Variants in SMIM35 observed in about 807,000 individuals in gnomAD.
The protein encoded by SMIM35 is small integral membrane protein 35, also known as TMPRSS4 antisense RNA 1 (non-protein coding).
chr11:118,044,457 G>A (rs542703930), intron 1 of SMIM35, among the ~76,000 whole-genome samples: 106 of 151,994 alleles, frequency 7.0e-4, no homozygotes, highest in Middle Eastern at 3.4e-3. Flanking sequence ...TCATCCCACC[G>A]CCCATCTAAA....
At chr11:118,065,924 C>G (rs1458728524) in intron 1 of SMIM35, among the ~76,000 whole-genome samples, 1 of 152,206 alleles carries the variant, frequency 6.6e-6, no homozygotes. Flanking sequence ...GGATGCAGCA[C>G]CCAGTGACCA....
chr11:118,074,396 A>T (rs1427704813), intron 1 of SMIM35, among the ~76,000 whole-genome samples: 1 of 152,194 alleles, frequency 6.6e-6, no homozygotes, highest in Non-Finnish European at 1.5e-5. Context: ...ATGGATGGGC[A>T]AGAGAAAGAA....
At chr11:118,006,513 G>A (rs2058122845) in intron 4 of SMIM35, 137 bp from the exon 5 acceptor site, 1 of 152,230 alleles carries the variant, frequency 6.6e-6, no homozygotes, top group African/African-American at 2.4e-5. Context: ...TTCTCTCTGT[G>A]TCCTTTGCAC....
chr11:118,080,390 C>T (rs1945029076), intron 1 of SMIM35, among the ~76,000 whole-genome samples: 2 of 152,258 alleles, frequency 1.3e-5, no homozygotes, highest in East Asian at 1.9e-4. Context: ...GCAAAGACTC[C>T]GGCACTCCAG....
rs2058162124 is a variant in SMIM35, at chr11:118,013,784, G to T, written c.255C>A (p.Val85=). ...TTCACAAGTTGCTGTCTCTGCATCA[G>T]ACTAGCCCGTTGGAGAACTTCATGT... The part of the protein sequence containing the change: ...GGYMKFSNGL[V] The change falls in exon 4 of 5, where the codon GTC becomes GTA. Residue 85 remains valine (V), a synonymous_variant. Transcript: ENST00000689828. The T allele has an allele frequency of 2.5e-6, 1 of 398,988 alleles. No individual in the cohort carries two copies. Among genetic ancestry groups the T allele is most frequent in the Non-Finnish European group, 4.4e-6 (1 of 226,124 alleles). 24.7% of individuals were successfully genotyped at this position (398,988 alleles called of 1,614,324 possible).
At chr11:118,080,326 G>A (rs1277110764) in intron 1 of SMIM35, among the ~76,000 whole-genome samples, 2 of 152,190 alleles carry the variant, frequency 1.3e-5, no homozygotes. Flanking sequence ...CTGCATGTGT[G>A]AACAGCAAGA....
intron 4 of SMIM35, among the ~76,000 whole-genome samples, chr11:118,006,641 AG>A (rs2058123466): frequency 6.6e-6 from 1 of 152,244 alleles, no homozygotes; most frequent in South Asian, 2.1e-4. Flanking sequence ...GAAGAAGCAT[AG>A]TATCCAAACA....
At chr11:118,057,913 A>G (rs1944339743) in intron 1 of SMIM35, among the ~76,000 whole-genome samples, 1 of 152,166 alleles carries the variant, frequency 6.6e-6, no homozygotes, top group Non-Finnish European at 1.5e-5. Flanking sequence ...CCAAGAGGCA[A>G]TTTTTGTGGA....
In SMIM35 at chr11:118,027,067, C is replaced by T. The variant is rs1234083289; in HGVS notation, c.8-11258G>A. Reference sequence around the variant, plus strand: ...ACGGAGTCTCGCTCTGTCGCCCAGGCCGGACTGCGGACTGCAGTGGCGCAA... The same window carrying T: ...ACGGAGTCTCGCTCTGTCGCCCAGGTCGGACTGCGGACTGCAGTGGCGCAA... On this transcript the variant is annotated intron_variant, in intron 1 of 4. Transcript: ENST00000689828. 4.7e-5 allele frequency among the ~76,000 whole-genome samples: 6 copies of T among 126,498 alleles called. No individual in the cohort carries two copies. In the East Asian group the frequency reaches 1.6e-3, roughly 34 times the overall value. The allele number at this position is 126,498 out of a possible 152,430, so 83.0% of individuals were successfully genotyped here.
chr11:118,022,274 C>A (rs991165348), intron 1 of SMIM35, among the ~76,000 whole-genome samples: 1 of 152,166 alleles, frequency 6.6e-6, no homozygotes, highest in East Asian at 1.9e-4. Context: ...TGGTCTTGAT[C>A]TCTTGACCTC....
chr11:118,056,542 T>G (rs916747821), intron 1 of SMIM35, among the ~76,000 whole-genome samples: 4 of 152,080 alleles, frequency 2.6e-5, no homozygotes, highest in African/African-American at 9.7e-5. Context: ...GCAATAGAGA[T>G]GTAGGTTTAG....
intron 1 of SMIM35, among the ~76,000 whole-genome samples, chr11:118,038,406 A>G (rs1358422024): frequency 2.6e-5 from 4 of 152,252 alleles, no homozygotes; most frequent in Admixed American, 1.3e-4. Context: ...TAATACTGGC[A>G]TAACAATTCC....
intron 4 of SMIM35, among the ~76,000 whole-genome samples, chr11:118,007,964 G>T (rs2058130355): frequency 6.6e-6 from 1 of 151,634 alleles, no homozygotes; most frequent in South Asian, 2.1e-4. Flanking sequence ...CTGCCTCCCA[G>T]ATTCAAGCAA....
intron 1 of SMIM35, among the ~76,000 whole-genome samples, chr11:118,060,690 G>A (rs776339499): frequency 6.6e-6 from 1 of 152,098 alleles, no homozygotes; most frequent in Non-Finnish European, 1.5e-5. Context: ...CTTCTACAGA[G>A]TCCAGGGTGT....
chr11:118,053,530 A>G (rs1351829763), intron 1 of SMIM35, among the ~76,000 whole-genome samples: 2 of 152,118 alleles, frequency 1.3e-5, no homozygotes, highest in Admixed American at 6.5e-5. Flanking sequence ...TTCCTTATTC[A>G]ACTCCTCCAA....
chr11:118,054,953 G>A (rs2105590), intron 1 of SMIM35, among the ~76,000 whole-genome samples: 34,356 of 151,674 alleles, frequency 0.23, 4,630 homozygotes, highest in Non-Finnish European at 0.31. Flanking sequence ...ACAGGTGCGC[G>A]CCACCATGCC....
At chr11:118,019,857 G>T (rs745648013) in intron 1 of SMIM35, among the ~76,000 whole-genome samples, 5 of 152,088 alleles carry the variant, frequency 3.3e-5, no homozygotes, top group South Asian at 2.1e-4. Context: ...AAACAGATGT[G>T]CCTGCTTCTT....
At chr11:118,017,558 G>A (rs756325144) in intron 1 of SMIM35, among the ~76,000 whole-genome samples, 14 of 152,086 alleles carry the variant, frequency 9.2e-5, no homozygotes, top group Non-Finnish European at 1.6e-4. Context: ...AAAAAATTAA[G>A]CAGAAAGAAA....
intron 1 of SMIM35, among the ~76,000 whole-genome samples, chr11:118,078,439 C>G (rs138907910): frequency 6.6e-6 from 1 of 152,184 alleles, no homozygotes. Context: ...GCACTTCCCA[C>G]GACACTCTTC....
Sources: allele counts gnomAD v4.1 joint callset (sites outside exome capture counted in the v4.1 genomes callset), GRCh38; gene constraint gnomAD v4.1.1; transcripts MANE v1.5; gene names NCBI Gene and HGNC (gene_info 2026-07-23, HGNC 2026-07-21).